KCNIP4: variants seen among roughly 807,000 people sequenced by gnomAD.
KCNIP4 encodes the protein potassium voltage-gated channel interacting protein 4, also known as Kv channel-interacting protein 4.
A neutral mutation model predicts 34.0 loss-of-function variants in KCNIP4; 12 were observed. The observed-to-expected ratio is 0.35, with a 90% confidence interval of 0.23 to 0.57. The LOEUF (loss-of-function observed/expected upper bound fraction) is 0.57. KCNIP4 is among the 20% of genes least tolerant of loss of function. KCNIP4 has a pLI of 0.83. For synonymous variants in KCNIP4, 124 were observed against 102.2 expected (o/e 1.21, Z -1.29); for missense variants, 238 against 311.7 (o/e 0.76, Z 1.78).
At chr4:21,363,483 A>G (rs1214730029) in intron 1 of KCNIP4, among the ~76,000 whole-genome samples, 1 of 152,160 alleles carries the variant, frequency 6.6e-6, no homozygotes, top group African/African-American at 2.4e-5. Context: ...AACTGCATCA[A>G]CATTAGGGAA....
At chr4:20,842,872 G>T (rs1364702041) in intron 3 of KCNIP4, among the ~76,000 whole-genome samples, 1 of 151,886 alleles carries the variant, frequency 6.6e-6, no homozygotes, top group African/African-American at 2.4e-5. Context: ...AGAAACAAGA[G>T]GTTCTGAGGG....
rs1009138969 is a variant in KCNIP4 at position 21,859,084 on chromosome 4, C to G, written c.61+89487G>C. ...CTGCTCTTAGATAAGGGAATTTTAT[C>G]AGACATAGGACATAAGACCAAAAAG... On this transcript the variant is annotated intron_variant, in intron 1 of 8. Transcript: ENST00000382152. 2.0e-5 allele frequency among the ~76,000 whole-genome samples: 3 copies of G among 152,150 alleles called. 1 individual carries two copies. The highest frequency in any genetic ancestry group is 7.2e-5 in the African/African-American group (3 of 41,446).
intron 1 of KCNIP4, among the ~76,000 whole-genome samples, chr4:21,742,733 A>G (rs558529079): frequency 6.6e-6 from 1 of 152,284 alleles, no homozygotes; most frequent in Admixed American, 6.5e-5. Context: ...GAGTTTCCAA[A>G]CCAGATGAGG....
At chr4:20,839,289 T>C (rs879676465) in intron 3 of KCNIP4, among the ~76,000 whole-genome samples, 10 of 152,148 alleles carry the variant, frequency 6.6e-5, no homozygotes, top group South Asian at 4.2e-4. Flanking sequence ...ATATTCCAAT[T>C]TGAATAAAGC....
At chr4:21,877,006 CA>C (rs1353234196) in intron 1 of KCNIP4, among the ~76,000 whole-genome samples, 1 of 151,784 alleles carries the variant, frequency 6.6e-6, no homozygotes, top group Non-Finnish European at 1.5e-5. Flanking sequence ...TAAAGATCAG[CA>C]AAAATACACT....
chr4:21,947,181 C>G (rs1219726219), intron 1 of KCNIP4, among the ~76,000 whole-genome samples: 3 of 152,182 alleles, frequency 2.0e-5, no homozygotes, highest in Non-Finnish European at 4.4e-5. Flanking sequence ...GACAGAGACC[C>G]TACGAACTCA....
intron 1 of KCNIP4, among the ~76,000 whole-genome samples, chr4:21,791,778 GA>G (rs1011734713): frequency 6.6e-6 from 1 of 151,908 alleles, no homozygotes; most frequent in East Asian, 1.9e-4. Flanking sequence ...GAGGTGGGCG[GA>G]TCACCTGAGG....
At chr4:21,597,520 G>C (rs1742753332) in intron 1 of KCNIP4, among the ~76,000 whole-genome samples, 1 of 152,210 alleles carries the variant, frequency 6.6e-6, no homozygotes, top group Admixed American at 6.5e-5. Context: ...TGAAAGCCAG[G>C]CTTGTCTCAG....
intron 1 of KCNIP4, among the ~76,000 whole-genome samples, chr4:21,921,003 T>G (rs2108995276): frequency 6.6e-6 from 1 of 152,314 alleles, no homozygotes; most frequent in South Asian, 2.1e-4. Flanking sequence ...ATCATTGGAC[T>G]TTTACTTTTA....
chr4:20,913,900 A>C (rs1728566080), intron 1 of KCNIP4, among the ~76,000 whole-genome samples: 1 of 152,014 alleles, frequency 6.6e-6, no homozygotes, highest in Non-Finnish European at 1.5e-5. Context: ...TCATGCCTGT[A>C]ATCCCAGCAC....
intron 1 of KCNIP4, among the ~76,000 whole-genome samples, chr4:21,702,670 C>T (rs1484729527): frequency 6.6e-5 from 10 of 151,694 alleles, no homozygotes; most frequent in Non-Finnish European, 1.5e-4. Context: ...TTCTATCAAA[C>T]ATGAAAAGAA....
In KCNIP4 at chr4:20,778,645, C is replaced by T. The variant is rs545010992; in HGVS notation, c.289-19755G>A. On this transcript the variant is annotated intron_variant, in intron 3 of 8. Transcript: ENST00000382152. ...CTATTGCATGGCAACCTATTGTTAT[C>T]TCAAAATAACAAGTTTAATTTAAAA... Among the ~76,000 whole-genome samples, 4 of 152,212 alleles carry T rather than the reference C, an allele frequency of 2.6e-5. No individual in the cohort carries two copies. In the South Asian group the frequency reaches 8.3e-4, roughly 32 times the overall value.
At chr4:20,947,596 A>G (rs1369244526) in intron 1 of KCNIP4, among the ~76,000 whole-genome samples, 1 of 152,182 alleles carries the variant, frequency 6.6e-6, no homozygotes, top group Non-Finnish European at 1.5e-5. Context: ...TGAATTTTTA[A>G]TATGCAAATG....
At chr4:20,737,813 C>G (rs1694562820) in intron 5 of KCNIP4, among the ~76,000 whole-genome samples, 1 of 152,120 alleles carries the variant, frequency 6.6e-6, no homozygotes, top group African/African-American at 2.4e-5. Context: ...TAATGACAGC[C>G]CTTGGAGGTA....
At chr4:21,188,286 A>C (rs143499543) in intron 1 of KCNIP4, among the ~76,000 whole-genome samples, 4 of 152,136 alleles carry the variant, frequency 2.6e-5, no homozygotes, top group Admixed American at 6.5e-5. Context: ...GCACATTTTC[A>C]AAGCAGCAAT....
chr4:21,466,835 C>T (rs1315615228), intron 1 of KCNIP4, among the ~76,000 whole-genome samples: 1 of 152,018 alleles, frequency 6.6e-6, no homozygotes, highest in African/African-American at 2.4e-5. Flanking sequence ...CGCAGTACCC[C>T]ATCCCTGGCA....
At chr4:21,085,665 C>T (rs573896492) in intron 1 of KCNIP4, among the ~76,000 whole-genome samples, 1 of 152,184 alleles carries the variant, frequency 6.6e-6, no homozygotes, top group Admixed American at 6.5e-5. Flanking sequence ...GATCCTGAGA[C>T]AAGGAATTTC....
In KCNIP4 at chr4:20,882,643, C is replaced by A. The variant is rs1205271760; in HGVS notation, c.128G>T (p.Cys43Phe). 1 of 1,613,054 alleles carries A rather than the reference C, an allele frequency of 6.2e-7. No homozygotes were observed. Among genetic ancestry groups the A allele is most frequent in the Non-Finnish European group, 8.5e-7 (1 of 1,179,792 alleles). The change falls in exon 2 of 9, where the codon TGC becomes TTC. Residue 43 changes from cysteine to phenylalanine, a missense_variant. Physicochemically the swap from Cys to Phe is radical, Grantham distance 205. Coordinates refer to ENST00000382152, the MANE Select transcript of KCNIP4 (RefSeq NM_025221.6). Reference protein sequence around the residue: ...IKERLMKLLPCSAAKTSSPAI... With the variant: ...IKERLMKLLPFSAAKTSSPAI... ...AGGAGACGACGTTTTGGCAGCTGAG[C>A]AGGGCAAGAGCTTCATGAGCCGCTC... is the stretch of plus-strand genomic sequence containing the variant.
chr4:21,251,486 T>C (rs1760695075), intron 1 of KCNIP4, among the ~76,000 whole-genome samples: 1 of 152,208 alleles, frequency 6.6e-6, no homozygotes, highest in African/African-American at 2.4e-5. Context: ...CTAGAGTGTT[T>C]GTTGCTCCAT....
Sources: allele counts gnomAD v4.1 joint callset (sites outside exome capture counted in the v4.1 genomes callset), GRCh38; gene constraint gnomAD v4.1.1; transcripts MANE v1.5; gene names NCBI Gene and HGNC (gene_info 2026-07-23, HGNC 2026-07-21).